The following CXCL13 variants were observed in gnomAD, a reference collection of about 807,000 sequenced individuals.
CXCL13 encodes C-X-C motif chemokine ligand 13.
A neutral mutation model predicts 12.2 loss-of-function variants in CXCL13; 7 were observed. The observed-to-expected ratio is 0.57, with a 90% CI of 0.33 to 1.07. The LOEUF (loss-of-function observed/expected upper bound fraction) is 1.07. CXCL13 is among the 50% of genes least tolerant of loss of function. The pLI, the probability that CXCL13 is intolerant of heterozygous loss-of-function variation, is 0.04. For synonymous variants in CXCL13, 47 were observed against 42.4 expected (o/e 1.11, Z -0.42); for missense variants, 113 against 127.4 (o/e 0.89, Z 0.55).
At chr4:77,546,480 G>A (rs181961278) in intron 1 of CXCL13, among the ~76,000 whole-genome samples, 2 of 152,240 alleles carry the variant, frequency 1.3e-5, no homozygotes, top group East Asian at 3.9e-4. Flanking sequence ...TCTTGGGAGG[G>A]TGTATGTGTC....
intron 1 of CXCL13, among the ~76,000 whole-genome samples, chr4:77,544,537 A>G (rs1265545871): frequency 6.6e-6 from 1 of 152,154 alleles, no homozygotes; most frequent in Non-Finnish European, 1.5e-5. Flanking sequence ...GGCTGCATAA[A>G]TGTGTTCTTC....
At chr4:77,516,746 A>T (rs1465412109) in intron 1 of CXCL13, among the ~76,000 whole-genome samples, 6 of 151,792 alleles carry the variant, frequency 4.0e-5, no homozygotes, top group East Asian at 1.9e-4. Context: ...TTGTTGATCC[A>T]TTCAAAAAAC....
At chr4:77,542,137 G>A (rs747327966) in intron 1 of CXCL13, among the ~76,000 whole-genome samples, 23 of 152,172 alleles carry the variant, frequency 1.5e-4, no homozygotes, top group African/African-American at 5.1e-4. Flanking sequence ...TCTAGGTATA[G>A]AATCATATCA....
At chr4:77,540,231 A>G (rs1578044146) in intron 1 of CXCL13, among the ~76,000 whole-genome samples, 2 of 152,198 alleles carry the variant, frequency 1.3e-5, no homozygotes. Flanking sequence ...TGGTATTTAC[A>G]AGAAATATGC....
chr4:77,525,460 A>G (rs536431765), intron 1 of CXCL13, among the ~76,000 whole-genome samples: 1 of 152,010 alleles, frequency 6.6e-6, no homozygotes, highest in East Asian at 1.9e-4. Flanking sequence ...TGGGTAAAGG[A>G]TTTTGTTTTT....
At chr4:77,570,459 G>C (rs565695540) in intron 1 of CXCL13, among the ~76,000 whole-genome samples, 2 of 152,330 alleles carry the variant, frequency 1.3e-5, no homozygotes, top group Admixed American at 6.5e-5. Context: ...GGCTAGGCAT[G>C]GTGGCTCATG....
At chr4:77,572,652 C>G (rs1726115745) in intron 1 of CXCL13, among the ~76,000 whole-genome samples, 1 of 151,788 alleles carries the variant, frequency 6.6e-6, no homozygotes, top group Non-Finnish European at 1.5e-5. Flanking sequence ...TAAATTAGTT[C>G]AACCATTGTG....
intron 1 of CXCL13, among the ~76,000 whole-genome samples, chr4:77,523,057 A>C (rs533721707): frequency 6.6e-6 from 1 of 152,286 alleles, no homozygotes; most frequent in South Asian, 2.1e-4. Context: ...TCTGGCTTGT[A>C]GAGTTTCTGC....
In CXCL13 at chr4:77,516,550, G is replaced by T. The variant is rs1057002734; in HGVS notation, c.-43+4762G>T. Among the ~76,000 whole-genome samples, 9 of 151,772 alleles carry T rather than the reference G, an allele frequency of 5.9e-5. No individual in the cohort carries two copies. The East Asian group carries it at 1.7e-3, about 29-fold the overall frequency. On this transcript the variant is annotated intron_variant, in intron 1 of 4. Transcript: ENST00000286758. ...TTTAGTCTTGGGAGAGTGTATGTGT[G>T]GAGGAATTTATCCATTTCTTCTAGA...
At chr4:77,563,916 TC>T (rs1294179768) in intron 1 of CXCL13, among the ~76,000 whole-genome samples, 3 of 152,188 alleles carry the variant, frequency 2.0e-5, no homozygotes, top group Non-Finnish European at 2.9e-5. Context: ...ATGAAGTATC[TC>T]ATCCTGTCTG....
chr4:77,609,599 T>G (rs1365287373), intron 2 of CXCL13, among the ~76,000 whole-genome samples: 1 of 152,204 alleles, frequency 6.6e-6, no homozygotes, highest in African/African-American at 2.4e-5. Context: ...TGAGCTACCA[T>G]GCTGCTGGCT....
intron 1 of CXCL13, among the ~76,000 whole-genome samples, chr4:77,586,252 C>T (rs1262836278): frequency 2.0e-5 from 3 of 151,588 alleles, no homozygotes; most frequent in Non-Finnish European, 4.4e-5. Flanking sequence ...CCAATGCCAT[C>T]CTAGATAAGC....
intron 1 of CXCL13, among the ~76,000 whole-genome samples, chr4:77,552,701 A>G (rs547704519): frequency 6.6e-6 from 1 of 152,356 alleles, no homozygotes; most frequent in East Asian, 1.9e-4. Flanking sequence ...CCTCAGAGAT[A>G]TGCCTAGGCA....
intron 1 of CXCL13, among the ~76,000 whole-genome samples, chr4:77,563,333 T>C (rs1489583559): frequency 1.3e-5 from 2 of 152,120 alleles, no homozygotes; most frequent in East Asian, 3.9e-4. Flanking sequence ...GGCGCTCAGG[T>C]GAGATAATTT....
intron 1 of CXCL13, among the ~76,000 whole-genome samples, chr4:77,538,172 A>G (rs960457851): frequency 2.0e-5 from 3 of 152,168 alleles, no homozygotes; most frequent in Non-Finnish European, 4.4e-5. Flanking sequence ...TACCTCAGCA[A>G]TGAGAAGTCT....
chr4:77,584,490 G>A (rs993936417), intron 1 of CXCL13, among the ~76,000 whole-genome samples: 5 of 152,178 alleles, frequency 3.3e-5, no homozygotes, highest in Non-Finnish European at 7.4e-5. Context: ...TACCAGAAAT[G>A]AAAATAATCT....
At chr4:77,556,680 T>C (rs1725667511) in intron 1 of CXCL13, among the ~76,000 whole-genome samples, 1 of 152,116 alleles carries the variant, frequency 6.6e-6, no homozygotes, top group South Asian at 2.1e-4. Flanking sequence ...GTTTATATTT[T>C]CAAAATATAA....
chr4:77,527,826 C>T (rs1053871753), intron 1 of CXCL13, among the ~76,000 whole-genome samples: 4 of 151,752 alleles, frequency 2.6e-5, no homozygotes, highest in African/African-American at 4.8e-5. Context: ...ATGTGCATAA[C>T]GTGCAGGTTA....
intron 1 of CXCL13, among the ~76,000 whole-genome samples, chr4:77,549,781 G>A (rs1725461750): frequency 6.6e-6 from 1 of 152,194 alleles, no homozygotes. Flanking sequence ...CTCCCAGTTA[G>A]GCTACTTGGG....
Sources: gnomAD v4.1 joint callset for allele counts (sites outside exome capture counted in the v4.1 genomes callset) on GRCh38, gnomAD v4.1.1 for gene constraint, MANE v1.5 for transcripts, NCBI Gene and HGNC (gene_info 2026-07-23, HGNC 2026-07-21) for gene names.